Variants in AJAP1 observed in about 807,000 individuals in gnomAD.
The protein encoded by AJAP1 is adherens junctions associated protein 1.
Under a neutral mutation model 35.0 loss-of-function variants are expected in AJAP1, and 5 were observed. The observed-to-expected ratio is 0.14, with a 90% CI of 0.07 to 0.30. The LOEUF is 0.30. Ranked by LOEUF, AJAP1 falls within the 10% of genes least tolerant of loss-of-function variation. The pLI is 1.00. For missense variants in AJAP1, 586 were observed against 571.0 expected (o/e 1.03, Z -0.27); for synonymous variants, 284 against 249.3 (o/e 1.14, Z -1.31).
chr1:4,695,836 G>A (rs1232404599), intron 1 of AJAP1, among the ~76,000 whole-genome samples: 1 of 152,120 alleles, frequency 6.6e-6, no homozygotes, highest in Non-Finnish European at 1.5e-5. Context: ...TCACACCAAG[G>A]TCTAGAGCTT....
In AJAP1 at chr1:4,689,673, C is replaced by T. The variant is rs183836594; in HGVS notation, c.30-22227C>T. 8.1e-4 allele frequency among the ~76,000 whole-genome samples: 124 copies of T among 152,352 alleles called. 2 individuals carry two copies. Among genetic ancestry groups the T allele is most frequent in the Admixed American group, 7.8e-3 (119 of 15,308 alleles). On this transcript the variant is annotated intron_variant, in intron 1 of 5. Coordinates refer to ENST00000378191, the MANE Select transcript of AJAP1 (RefSeq NM_018836.4). ...TTCCTCCGCCTTGAAACACAGCTTT[C>T]GGGGTTGACTGTTGCTCCCAGGAGT...
rs1202451523 is a variant in AJAP1 at position 4,655,674 on chromosome 1, C to T, written c.29+220C>T. ...CCGGGTCTCCAGGGTTCCGCGCGTC[C>T]GGGGTCGGGGCAGCGGCGCCCGCCC... On this transcript the variant is annotated intron_variant, in intron 1 of 5. Coordinates refer to ENST00000378191, the MANE Select transcript of AJAP1 (RefSeq NM_018836.4). This position sits in a 1 kb window ranked among gnomAD's most constrained non-coding sequence, Gnocchi z 6.9. Among the ~76,000 whole-genome samples the T allele has an allele frequency of 6.6e-6, 1 of 151,124 alleles. No individual in the cohort carries two copies. The highest frequency in any genetic ancestry group is 6.6e-5 in the Admixed American group (1 of 15,196).
intron 2 of AJAP1, among the ~76,000 whole-genome samples, chr1:4,754,978 G>A (rs1252602238): frequency 6.6e-6 from 1 of 152,106 alleles, no homozygotes; most frequent in African/African-American, 2.4e-5. Flanking sequence ...CCCTGCCTGG[G>A]CAGGAACCCC....
chr1:4,707,397 A>G (rs1640123866), intron 1 of AJAP1, among the ~76,000 whole-genome samples: 1 of 152,072 alleles, frequency 6.6e-6, no homozygotes, highest in Admixed American at 6.5e-5. Context: ...TCGTCACCCC[A>G]TAAAGAAACC....
chr1:4,730,301 T>G (rs1640767944), intron 2 of AJAP1, among the ~76,000 whole-genome samples: 1 of 152,154 alleles, frequency 6.6e-6, no homozygotes, highest in South Asian at 2.1e-4. Context: ...ATTGTTAACT[T>G]TGGCTCCTGG....
intron 2 of AJAP1, among the ~76,000 whole-genome samples, chr1:4,760,730 G>A (rs902786806): frequency 1.3e-5 from 2 of 152,240 alleles, no homozygotes; most frequent in African/African-American, 4.8e-5. Context: ...ATTCAGCAAT[G>A]TGTCTAAGCG....
rs758361026 is a variant in AJAP1, at chr1:4,692,565, G to A, written c.30-19335G>A. Reference sequence around the variant, plus strand: ...ATAGCTCAGCCCCAGCCTGGCCTCCGCAGGCCTCCTGACCATGGCGGGGCC... The same window carrying A: ...ATAGCTCAGCCCCAGCCTGGCCTCCACAGGCCTCCTGACCATGGCGGGGCC... On this transcript the variant is annotated intron_variant, in intron 1 of 5. Transcript: ENST00000378191. The surrounding 1 kb of genome is among the most constrained non-coding windows in gnomAD (Gnocchi z 4.4). Among the ~76,000 whole-genome samples the A allele has an allele frequency of 1.3e-5, 2 of 152,206 alleles. No individual in the cohort carries two copies. The highest frequency in any genetic ancestry group is 2.4e-5 in the African/African-American group (1 of 41,460).
intron 1 of AJAP1, among the ~76,000 whole-genome samples, chr1:4,671,574 G>A (rs1387310828): frequency 6.6e-6 from 1 of 151,794 alleles, no homozygotes; most frequent in Non-Finnish European, 1.5e-5. Flanking sequence ...ATGCACCACC[G>A]GGAACAAATG....
chr1:4,696,231 C>A (rs1177623457), intron 1 of AJAP1, among the ~76,000 whole-genome samples: 11 of 152,186 alleles, frequency 7.2e-5, no homozygotes, highest in Non-Finnish European at 1.6e-4. Context: ...TCCCAGGAAA[C>A]TGTTTTTTCC....
intron 2 of AJAP1, among the ~76,000 whole-genome samples, chr1:4,722,960 T>C (rs1006314126): frequency 1.3e-5 from 2 of 152,036 alleles, no homozygotes; most frequent in African/African-American, 2.4e-5. Flanking sequence ...CTGGGGCTCA[T>C]GGGATACACT....
intron 2 of AJAP1, among the ~76,000 whole-genome samples, chr1:4,740,576 G>C (rs1401525567): frequency 1.3e-5 from 2 of 151,854 alleles, no homozygotes; most frequent in Non-Finnish European, 2.9e-5. Flanking sequence ...ACAAGGTCAG[G>C]AGATCGAGAC....
chr1:4,762,298 A>G (rs1327819805), intron 2 of AJAP1, among the ~76,000 whole-genome samples: 8 of 152,192 alleles, frequency 5.3e-5, no homozygotes, highest in African/African-American at 1.9e-4. Flanking sequence ...GAATGTCCTC[A>G]GGAATGTCCT....
intron 2 of AJAP1, among the ~76,000 whole-genome samples, chr1:4,746,442 C>G (rs192566576): frequency 6.6e-6 from 1 of 152,054 alleles, no homozygotes; most frequent in African/African-American, 2.4e-5. Flanking sequence ...CCGTTCAACC[C>G]GCATCGCCCA....
intron 1 of AJAP1, among the ~76,000 whole-genome samples, chr1:4,697,363 C>T (rs1213535098): frequency 6.6e-6 from 1 of 152,242 alleles, no homozygotes; most frequent in Non-Finnish European, 1.5e-5. Flanking sequence ...TGTGGCTTCG[C>T]ACAAGGAATG....
At chr1:4,670,230 CGGTCTGTCT>C (rs1639222604) in intron 1 of AJAP1, among the ~76,000 whole-genome samples, 1 of 152,100 alleles carries the variant, frequency 6.6e-6, no homozygotes, top group South Asian at 2.1e-4. Flanking sequence ...CTGTGGCAGC[CGGTCTGTCT>C]TTACTCCTTA....
chr1:4,714,827 C>G (rs1640352634), intron 2 of AJAP1, among the ~76,000 whole-genome samples: 1 of 152,154 alleles, frequency 6.6e-6, no homozygotes, highest in African/African-American at 2.4e-5. Context: ...CCAGCCAAGG[C>G]AAAGGGAAGA....
intron 5 of AJAP1, among the ~76,000 whole-genome samples, chr1:4,776,492 G>A (rs563659729): frequency 5.3e-5 from 8 of 152,308 alleles, no homozygotes; most frequent in African/African-American, 1.9e-4. Flanking sequence ...CCACAGGCCT[G>A]AGCCCAGGGA....
intron 1 of AJAP1, among the ~76,000 whole-genome samples, chr1:4,684,235 G>A (rs554309454): frequency 5.6e-4 from 86 of 152,320 alleles, no homozygotes; most frequent in Non-Finnish European, 9.1e-4. Flanking sequence ...CTGTTAACAC[G>A]CTGATAATTT....
At chr1:4,749,013 C>T (rs1641261469) in intron 2 of AJAP1, among the ~76,000 whole-genome samples, 1 of 152,150 alleles carries the variant, frequency 6.6e-6, no homozygotes, top group South Asian at 2.1e-4. Context: ...GTGGACTGAG[C>T]CAGGACTTCA....
Sources: allele counts gnomAD v4.1 joint callset (sites outside exome capture counted in the v4.1 genomes callset), GRCh38; gene constraint gnomAD v4.1.1; non-coding constraint Gnocchi (gnomAD v3.1); transcripts MANE v1.5; gene names NCBI Gene and HGNC (gene_info 2026-07-23, HGNC 2026-07-21).